PLP1: variants seen among roughly 807,000 people sequenced by gnomAD.
The protein encoded by PLP1 is myelin proteolipid protein.
A neutral mutation model predicts 18.5 loss-of-function variants in PLP1; 2 were observed. That is an observed-to-expected ratio of 0.11 (90% CI 0.04 to 0.34). The LOEUF (loss-of-function observed/expected upper bound fraction) is 0.34, where lower values mean the gene tolerates loss of function less well. Ranked by LOEUF, PLP1 falls within the 10% of genes least tolerant of loss-of-function variation. The pLI is 1.00. For missense variants in PLP1, 105 were observed against 207.3 expected (o/e 0.51, Z 3.03); for synonymous variants, 86 against 83.2 (o/e 1.03, Z -0.19).
intron 1 of PLP1, among the ~76,000 whole-genome samples, chrX:103,777,583 T>C (rs1186133837): frequency 8.9e-6 from 1 of 111,863 alleles, no homozygotes; most frequent in Non-Finnish European, 1.9e-5. Flanking sequence ...TGTGTGTGTA[T>C]GTGCATATGT....
At chrX:103,784,294 G>A (rs770560581) in intron 1 of PLP1, among the ~76,000 whole-genome samples, 1 of 111,563 alleles carries the variant, frequency 9.0e-6, no homozygotes, top group Non-Finnish European at 1.9e-5. Context: ...TTCCTCTAGT[G>A]CCAGAAAGAT....
intron 2 of PLP1, 123 bp downstream of exon 2, chrX:103,785,891 G>A (rs967702711): frequency 2.8e-5 from 21 of 751,842 alleles, no homozygotes; most frequent in Non-Finnish European, 4.1e-5. Context: ...CCGGATTCCC[G>A]AGTCTTCCCT....
At chrX:103,782,803 C>T (rs897222347) in intron 1 of PLP1, among the ~76,000 whole-genome samples, 46 of 103 alleles carry the variant, frequency 0.45, no homozygotes, top group African/African-American at 0.51. Context: ...CTCCCCACCC[C>T]CCGGCTGCAG....
chrX:103,782,757 C>T (rs2074463510), intron 1 of PLP1, among the ~76,000 whole-genome samples: 1 of 106,175 alleles, frequency 9.4e-6, no homozygotes, highest in African/African-American at 3.5e-5. Flanking sequence ...CTCGGCTAAA[C>T]AAACAGTCCT....
At chrX:103,789,000 C>T (rs935161029) in intron 5 of PLP1, 11 of 334,187 alleles carry the variant, frequency 3.3e-5, no homozygotes, top group African/African-American at 5.2e-5. Flanking sequence ...AAAGTAAATC[C>T]GGGGGAGACA....
chrX:103,787,620 C>T (rs2074508222), intron 3 of PLP1, 178 bp from the exon 4 acceptor site: 1 of 482,555 alleles, frequency 2.1e-6, no homozygotes, highest in African/African-American at 2.4e-5. Flanking sequence ...GGCCAGTTAT[C>T]TAGTAGATAC....
At chrX:103,788,572 T>C in intron 5 of PLP1, 62 bp downstream of exon 5, 2 of 850,017 alleles carry the variant, frequency 2.4e-6, no homozygotes, top group Non-Finnish European at 1.8e-6. Context: ...ATTACACCCA[T>C]GGCCTTCAAT....
At position 103,790,631 on chromosome X, in the gene PLP1, G is replaced by A. The variant is rs371857048; in HGVS notation, c.*33G>A. Reference sequence around the variant, plus strand: ...TAGAAATCCCCCTTTCTCTAATAGCGAGGCTCTAACCACACAGCCTACAAT... The same window carrying A: ...TAGAAATCCCCCTTTCTCTAATAGCAAGGCTCTAACCACACAGCCTACAAT... On this transcript the variant is annotated 3_prime_UTR_variant, in exon 7 of 7. Transcript: ENST00000621218. 68 of 1,058,903 alleles carry A rather than the reference G, an allele frequency of 6.4e-5. No homozygotes were observed. Among genetic ancestry groups the A allele is most frequent in the Non-Finnish European group, 8.8e-5 (67 of 757,783 alleles). 87.3% of individuals were successfully genotyped at this position (1,058,903 alleles called of 1,213,427 possible).
intron 6 of PLP1, 48 bp downstream of exon 6, chrX:103,789,446 T>C (rs770807782): frequency 6.4e-6 from 6 of 937,486 alleles, no homozygotes; most frequent in South Asian, 1.9e-5. Context: ...CCTGAGATAG[T>C]GTGGGTACAG....
chrX:103,786,932 A>C (rs1569427751), intron 3 of PLP1: 2 of 449,430 alleles, frequency 4.5e-6, no homozygotes, highest in East Asian at 3.7e-5. Context: ...TCCCTAAGCA[A>C]ATTTCTTCTC....
In PLP1 at chrX:103,790,902, T is replaced by C. The variant is rs889757661; in HGVS notation, c.*304T>C. ...GAGGCTCTAATTGAATTTTCAAGCA[T>C]CTCCTGAGGATCAGAAAGTAATTTC... On this transcript the variant is annotated 3_prime_UTR_variant, in exon 7 of 7. Coordinates refer to ENST00000621218, the MANE Select transcript of PLP1 (RefSeq NM_000533.5). 5.1e-5 allele frequency: 17 copies of C among 333,056 alleles called. No individual in the cohort carries two copies. Among genetic ancestry groups the C allele is most frequent in the Non-Finnish European group, 1.1e-5 (2 of 189,262 alleles). The allele number at this position is 333,056 out of a possible 1,213,427, so 27.4% of individuals were successfully genotyped here. A position where few individuals can be genotyped will look rare whatever the true frequency, so the allele number is the denominator to read the frequency against.
chrX:103,791,353 C>T lies in PLP1; in HGVS notation c.*755C>T, dbSNP rs1026247442. ...GGTGTTGTCAGCATCTTCTCACTCC[C>T]TTCTCCTTGATAACAGCTACCATGA... On this transcript the variant is annotated 3_prime_UTR_variant, in exon 7 of 7. Transcript: ENST00000621218. 4.5e-5 allele frequency: 5 copies of T among 112,022 alleles called. No individual in the cohort carries two copies. Among genetic ancestry groups the T allele is most frequent in the Non-Finnish European group, 5.6e-5 (3 of 53,259 alleles). The allele number at this position is 112,022 out of a possible 1,213,427, so 9.2% of individuals were successfully genotyped here. A position where few individuals can be genotyped will look rare whatever the true frequency, so the allele number is the denominator to read the frequency against.
intron 1 of PLP1, among the ~76,000 whole-genome samples, chrX:103,784,861 A>AT (rs1185291218): frequency 8.9e-6 from 1 of 112,291 alleles, no homozygotes; most frequent in African/African-American, 3.2e-5. Context: ...CATATCCCGT[A>AT]TAACACCCAG....
chrX:103,787,516 C>A lies in PLP1; in HGVS notation c.454-282C>A, dbSNP rs759782561. On this transcript the variant is annotated intron_variant, in intron 3 of 6. Coordinates refer to ENST00000621218, the MANE Select transcript of PLP1 (RefSeq NM_000533.5). Reference sequence around the variant, plus strand: ...AAGATCTGTTTTGATTTCTTTACACCTTATCTGCCCAAAAACATCCTCTGA... The same window carrying A: ...AAGATCTGTTTTGATTTCTTTACACATTATCTGCCCAAAAACATCCTCTGA... 69 of 408,232 alleles carry A rather than the reference C, an allele frequency of 1.7e-4. 1 individual carries two copies. In the East Asian group the frequency reaches 2.6e-3, roughly 15 times the overall value. The allele number at this position is 408,232 out of a possible 1,213,427, so 33.6% of individuals were successfully genotyped here.
chrX:103,789,165 A>G (rs982250947), intron 5 of PLP1, 168 bp from the exon 6 acceptor site: 3 of 506,499 alleles, frequency 5.9e-6, no homozygotes, highest in Non-Finnish European at 1.1e-5. Context: ...TATGGTGTAC[A>G]CTGAAGACTG....
At chrX:103,788,788 A>T in intron 5 of PLP1, 1 of 363,920 alleles carries the variant, frequency 2.7e-6, no homozygotes, top group Non-Finnish European at 4.8e-6. Flanking sequence ...CTAATGGCAA[A>T]ATCCCCCACA....
At chrX:103,788,336 C>G (rs2074516161) in intron 4 of PLP1, 101 bp from the exon 5 acceptor site, 2 of 641,189 alleles carry the variant, frequency 3.1e-6, no homozygotes, top group African/African-American at 4.3e-5. Flanking sequence ...AACTTTACAG[C>G]CAGGATAATT....
intron 1 of PLP1, among the ~76,000 whole-genome samples, chrX:103,782,148 C>T: frequency 8.9e-6 from 1 of 112,414 alleles, no homozygotes; most frequent in East Asian, 2.8e-4. Flanking sequence ...GACTGAGATT[C>T]TTCACTTCTG....
chrX:103,786,381 T>G, intron 2 of PLP1, 84 bp from the exon 3 acceptor site: 1 of 1,082,219 alleles, frequency 9.2e-7, no homozygotes, highest in East Asian at 3.0e-5. Context: ...CTCGCTCTGG[T>G]GTATACCTCA....
Sources: allele counts gnomAD v4.1 joint callset (sites outside exome capture counted in the v4.1 genomes callset), GRCh38; gene constraint gnomAD v4.1.1; transcripts MANE v1.5; gene names NCBI Gene and HGNC (gene_info 2026-07-23, HGNC 2026-07-21).